PIGX: variants seen among roughly 807,000 people sequenced by gnomAD.
PIGX encodes the protein GPI alpha-1,4-mannosyltransferase I, stabilizing subunit.
PIGX carries 24 observed loss-of-function variants against 28.7 expected under a neutral mutation model. The ratio of observed to expected loss-of-function variants is 0.84; its 90% CI spans 0.60 to 1.17. PIGX has a LOEUF of 1.17. Among genes scored for constraint, PIGX ranks in the 50% most tolerant of loss-of-function variants. PIGX has a pLI of 0.00. For missense variants in PIGX, 305 were observed against 317.8 expected (o/e 0.96, Z 0.31); for synonymous variants, 127 against 121.0 (o/e 1.05, Z -0.33).
intron 2 of PIGX, among the ~76,000 whole-genome samples, chr3:196,722,134 G>A (rs1363466623): frequency 6.6e-6 from 1 of 152,016 alleles, no homozygotes; most frequent in African/African-American, 2.4e-5. Context: ...ATTAAATTAC[G>A]TTGGTACCTT....
At chr3:196,713,076 C>T in intron 1 of PIGX, 9 of 985,800 alleles carry the variant, frequency 9.1e-6, no homozygotes, top group Non-Finnish European at 1.1e-5. Context: ...AGTTGGCAAA[C>T]TGCTTGTACT....
intron 2 of PIGX, 120 bp from the exon 3 acceptor site, chr3:196,722,292 TATA>T (rs1712355727): frequency 3.0e-6 from 2 of 672,102 alleles, no homozygotes; most frequent in Non-Finnish European, 5.1e-6. Flanking sequence ...CATTTGACCT[TATA>T]ATCTACTTTT....
In PIGX at chr3:196,722,557, G is replaced by A. The variant is rs746164540; in HGVS notation, c.318+1G>A. The A allele has an allele frequency of 3.7e-6, 6 of 1,611,918 alleles. No individual in the cohort carries two copies. Among genetic ancestry groups the A allele is most frequent in the Admixed American group, 1.7e-5 (1 of 59,686 alleles). On this transcript the variant is annotated splice_donor_variant, in intron 3 of 5. Coordinates refer to ENST00000392391, the MANE Select transcript of PIGX (RefSeq NM_017861.4). LOFTEE classifies it high-confidence loss of function. ...ATTACGAGAGAGAAACATAACAGAGGTACAGTTATTAGGGGATTTTTTGGG... is the reference window on the plus strand; with the variant it reads ...ATTACGAGAGAGAAACATAACAGAGATACAGTTATTAGGGGATTTTTTGGG...
intron 1 of PIGX, among the ~76,000 whole-genome samples, chr3:196,713,777 C>A (rs1267178895): frequency 1.3e-5 from 2 of 148,288 alleles, no homozygotes; most frequent in African/African-American, 5.0e-5. Context: ...GCGGAGGTTG[C>A]AGTGAGCCGA....
At chr3:196,726,596 A>C (rs1568603) in intron 3 of PIGX, 138,791 of 444,974 alleles carry the variant, frequency 0.31, 22,811 homozygotes, top group African/African-American at 0.37. Context: ...TAATATGATG[A>C]ATGATTTGGA....
intron 3 of PIGX, among the ~76,000 whole-genome samples, 199 bp from the exon 4 acceptor site, chr3:196,727,724 G>A (rs1399462240): frequency 6.6e-6 from 1 of 151,782 alleles, no homozygotes; most frequent in Non-Finnish European, 1.5e-5. Flanking sequence ...TTTTTTTTTA[G>A]TAAGCAGACT....
chr3:196,728,135 A>G lies in PIGX; in HGVS notation c.531A>G (p.Gln177=). The G allele has an allele frequency of 6.2e-7, 1 of 1,612,382 alleles. No homozygotes were observed. Among genetic ancestry groups the G allele is most frequent in the Non-Finnish European group, 8.5e-7 (1 of 1,178,380 alleles). The stretch of plus-strand genomic sequence containing the variant: ...CAGATTTGTTGATGTTTTGTGACCA[A>G]GGTGAGGGCTGCAAGTGTTTTCTAA... The change falls in exon 4 of 6, where the codon CAA becomes CAG. Residue 177 remains glutamine (Q), a splice_region_variant and synonymous_variant. Coordinates refer to ENST00000392391, the MANE Select transcript of PIGX (RefSeq NM_017861.4).
In PIGX at chr3:196,712,468, C is replaced by T. The variant is rs577474199; in HGVS notation, c.-65C>T. 2,776 of 772,866 alleles carry T rather than the reference C, an allele frequency of 3.6e-3. 50 individuals are homozygous for T. In the African/African-American group the frequency reaches 0.041, roughly 12 times the overall value. The allele number at this position is 772,866 out of a possible 1,614,324, so 47.9% of individuals were successfully genotyped here. On this transcript the variant is annotated 5_prime_UTR_variant, in exon 1 of 6. Transcript: ENST00000392391. ...GCGCGCGGTAGGAGCTGCGGGCGGC[C>T]AGGCCCCTTCCTGCGTCCGCACCTG... is the stretch of plus-strand genomic sequence containing the variant.
intron 5 of PIGX, among the ~76,000 whole-genome samples, chr3:196,732,531 C>T (rs1321466548): frequency 1.3e-5 from 2 of 151,608 alleles, no homozygotes; most frequent in African/African-American, 4.8e-5. Flanking sequence ...CCGCCTGCCT[C>T]AGCCTCCCAA....
chr3:196,721,057 T>G (rs985129129), intron 2 of PIGX: 1 of 211,628 alleles, frequency 4.7e-6, no homozygotes, highest in Admixed American at 5.8e-5. Context: ...TCTTTGTATT[T>G]ATCCTGCTTA....
chr3:196,724,630 C>T (rs772505225), intron 3 of PIGX, among the ~76,000 whole-genome samples: 45 of 152,112 alleles, frequency 3.0e-4, no homozygotes, highest in Admixed American at 6.6e-5. Context: ...TGATTTTCTG[C>T]TTTCTAATCT....
chr3:196,714,117 A>G (rs1711981983), intron 1 of PIGX, among the ~76,000 whole-genome samples: 1 of 152,196 alleles, frequency 6.6e-6, no homozygotes, highest in South Asian at 2.1e-4. Flanking sequence ...ATAGTTGGAT[A>G]GCAGTCCTCA....
chr3:196,725,172 C>T (rs1015635555), intron 3 of PIGX, among the ~76,000 whole-genome samples: 2 of 152,032 alleles, frequency 1.3e-5, no homozygotes, highest in Non-Finnish European at 1.5e-5. Context: ...TAGATTGAAA[C>T]GTATAAAATT....
chr3:196,731,181 A>ATTTT, intron 5 of PIGX, 89 bp downstream of exon 5: 1 of 477,844 alleles, frequency 2.1e-6, no homozygotes, highest in Non-Finnish European at 3.6e-6. Flanking sequence ...AGAGATTAGC[A>ATTTT]TTTTTTTTTT....
intron 2 of PIGX, among the ~76,000 whole-genome samples, chr3:196,721,743 G>A (rs563949881): frequency 6.6e-5 from 10 of 151,202 alleles, no homozygotes; most frequent in African/African-American, 1.2e-4. Flanking sequence ...CACCATCCCC[G>A]GCCTATTTTT....
In PIGX at chr3:196,712,390, G is replaced by C. The variant is rs1055518647; in HGVS notation, c.-143G>C. 16 of 325,754 alleles carry C rather than the reference G, an allele frequency of 4.9e-5. No individual in the cohort carries two copies. Among genetic ancestry groups the C allele is most frequent in the Non-Finnish European group, 7.7e-5 (15 of 195,834 alleles). 20.2% of individuals were successfully genotyped at this position (325,754 alleles called of 1,614,324 possible). A position where few individuals can be genotyped will look rare whatever the true frequency, so the allele number is the denominator to read the frequency against. On this transcript the variant is annotated 5_prime_UTR_variant, in exon 1 of 6. Transcript: ENST00000392391. ...GGGGCTGCAGGCAGCTGGGAACCGC[G>C]GGCGCTAGGCGCGCGCACCCAGCAC... is the stretch of plus-strand genomic sequence containing the variant.
At chr3:196,726,127 T>G (rs1481552926) in intron 3 of PIGX, among the ~76,000 whole-genome samples, 1 of 152,010 alleles carries the variant, frequency 6.6e-6, no homozygotes, top group Non-Finnish European at 1.5e-5. Context: ...TCATCTCTAC[T>G]AAAAATACAA....
chr3:196,722,490 C>T lies in PIGX; in HGVS notation c.252C>T (p.Asp84=). The change falls in exon 3 of 6, where the codon GAC becomes GAT. Residue 84 remains aspartate (D), a synonymous_variant. Coordinates refer to ENST00000392391, the MANE Select transcript of PIGX (RefSeq NM_017861.4). ...CCTGCCGTCTCTTAATTAAACAGGA[C>T]ATTCCTGCAGGACTTTATGTGGATC... The T allele has an allele frequency of 6.2e-7, 1 of 1,612,648 alleles. No individual in the cohort carries two copies. Among genetic ancestry groups the T allele is most frequent in the East Asian group, 2.2e-5 (1 of 44,860 alleles).
intron 1 of PIGX, among the ~76,000 whole-genome samples, chr3:196,714,909 C>A (rs1383943833): frequency 6.6e-6 from 1 of 152,088 alleles, no homozygotes; most frequent in African/African-American, 2.4e-5. Flanking sequence ...AACTCCATCT[C>A]TACTAAAAAT....
Sources: gnomAD v4.1 joint callset for allele counts (sites outside exome capture counted in the v4.1 genomes callset) on GRCh38, gnomAD v4.1.1 for gene constraint, MANE v1.5 for transcripts, NCBI Gene and HGNC (gene_info 2026-07-23, HGNC 2026-07-21) for gene names.